Variants in KLHL40 observed in about 807,000 individuals in gnomAD.
KLHL40 encodes kelch-like protein 40.
A neutral mutation model predicts 49.7 loss-of-function variants in KLHL40; 44 were observed. The ratio of observed to expected loss-of-function variants is 0.89; its 90% CI spans 0.70 to 1.14. The LOEUF is 1.14. Among genes scored for constraint, KLHL40 ranks in the 50% most tolerant of loss-of-function variants. The probability of loss-of-function intolerance (pLI) is 0.00; values close to 1 mark genes in which losing one functional copy is unlikely to be tolerated. For synonymous variants in KLHL40, 409 were observed against 365.2 expected (o/e 1.12, Z -1.37); for missense variants, 892 against 850.3 (o/e 1.05, Z -0.61).
rs868010281 is a variant in KLHL40, at chr3:42,686,556, G to T, written c.938G>T (p.Gly313Val). 1.2e-6 allele frequency: 2 copies of T among 1,614,036 alleles called. No individual in the cohort carries two copies. The highest frequency in any genetic ancestry group is 2.7e-5 in the African/African-American group (2 of 74,934). Residue 313 changes from glycine to valine, a missense_variant, in exon 1 of 6, where the codon GGC (glycine) becomes GTC (valine). By Grantham distance (109) the Gly-to-Val change is moderately radical (BLOSUM62 -3). Coordinates refer to ENST00000287777, the MANE Select transcript of KLHL40 (RefSeq NM_152393.4). ...PGILNDTLRFGMFLQDLIFMI... is the reference protein window; with the variant it reads ...PGILNDTLRFVMFLQDLIFMI... Reference sequence around the variant, plus strand: ...ATCCTCAATGACACCCTGCGCTTCGGCATGTTCCTGCAGGATCTCATCTTC... The same window carrying T: ...ATCCTCAATGACACCCTGCGCTTCGTCATGTTCCTGCAGGATCTCATCTTC...
chr3:42,689,873 C>A (rs1697334153), intron 4 of KLHL40, among the ~76,000 whole-genome samples: 1 of 152,070 alleles, frequency 6.6e-6, no homozygotes, highest in African/African-American at 2.4e-5. Flanking sequence ...TTCTAACGCA[C>A]CCCCAGGAGA....
chr3:42,690,775 T>G (rs1697350447), intron 4 of KLHL40, 84 bp from the exon 5 acceptor site: 2 of 1,444,484 alleles, frequency 1.4e-6, no homozygotes, highest in South Asian at 1.3e-5. Flanking sequence ...AGGGTTGCAG[T>G]TGGAGCTGTG....
intron 1 of KLHL40, among the ~76,000 whole-genome samples, chr3:42,687,520 A>G (rs1190641496): frequency 6.6e-6 from 1 of 152,112 alleles, no homozygotes; most frequent in Non-Finnish European, 1.5e-5. Flanking sequence ...ACCAGCTACT[A>G]GCTCAGCAGT....
rs1697305436 is a variant in KLHL40 at position 42,688,335 on chromosome 3, G to T, written c.1313+33G>T. ...TGGCTGGGGTGGGGCTGAGCTCCGTGGGGGTGAGTGGGGCATGGAGGCCGC... is the reference window on the plus strand; with the variant it reads ...TGGCTGGGGTGGGGCTGAGCTCCGTTGGGGTGAGTGGGGCATGGAGGCCGC... On this transcript the variant is annotated intron_variant, in intron 2 of 5. Coordinates refer to ENST00000287777, the MANE Select transcript of KLHL40 (RefSeq NM_152393.4). This position sits in a 1 kb window ranked among gnomAD's most constrained non-coding sequence, Gnocchi z 4.2. 1 of 1,609,538 alleles carries T rather than the reference G, an allele frequency of 6.2e-7. No individual in the cohort carries two copies. Among genetic ancestry groups the T allele is most frequent in the African/African-American group, 1.3e-5 (1 of 74,742 alleles).
At position 42,688,190 on chromosome 3, in the gene KLHL40, C is replaced by T; in HGVS notation, c.1201C>T (p.Pro401Ser). Residue 401 changes from proline (P) to serine (S), a missense_variant, in exon 2 of 6, where the codon CCC becomes TCC. Coordinates refer to ENST00000287777, the MANE Select transcript of KLHL40 (RefSeq NM_152393.4). This position sits in a 1 kb window ranked among gnomAD's most constrained non-coding sequence, Gnocchi z 4.2. ...GCTGGGGATGCCACCGCTGCCCTCG[C>T]CCCGCTGCCTCTTTGGCCTGGGAGA... is the stretch of plus-strand genomic sequence containing the variant. Reference protein sequence around the residue: ...EWLGMPPLPSPRCLFGLGEAL... With the variant: ...EWLGMPPLPSSRCLFGLGEAL... 1 of 1,613,856 alleles carries T rather than the reference C, an allele frequency of 6.2e-7. No homozygotes were observed.
At position 42,688,955 on chromosome 3, in the gene KLHL40, T is replaced by C; in HGVS notation, c.1508T>C (p.Phe503Ser). ...LAPMQTARSL[F>S]GATVHDGRII... is the part of the protein sequence containing the mutation. ...CCCATGCAGACCGCCCGCTCACTCT[T>C]TGGGGCCACTGTCCATGATGGCCGC... is the stretch of plus-strand genomic sequence containing the variant. The change falls in exon 4 of 6, where the codon TTT (phenylalanine) becomes TCT (serine). Residue 503 changes from phenylalanine to serine, a missense_variant. Phe to Ser is a radical substitution (Grantham distance 155). Transcript: ENST00000287777. This position sits in a 1 kb window ranked among gnomAD's most constrained non-coding sequence, Gnocchi z 4.2. The C allele has an allele frequency of 1.9e-6, 3 of 1,614,118 alleles. No individual in the cohort carries two copies. The highest frequency in any genetic ancestry group is 2.5e-6 in the Non-Finnish European group (3 of 1,180,020).
chr3:42,689,186 T>G, intron 4 of KLHL40, 132 bp downstream of exon 4: 1 of 791,152 alleles, frequency 1.3e-6, no homozygotes, highest in South Asian at 1.8e-5. Flanking sequence ...ATAGGCTTTC[T>G]CTCCTGATCA....
Position 42,688,097 on chromosome 3 carries a change from C to G in KLHL40, c.1153-45C>G, listed in dbSNP as rs369757052. 3 of 1,611,652 alleles carry G rather than the reference C, an allele frequency of 1.9e-6. No homozygotes were observed. The highest frequency in any genetic ancestry group is 1.7e-6 in the Non-Finnish European group (2 of 1,178,986). On this transcript the variant is annotated intron_variant, in intron 1 of 5. Coordinates refer to ENST00000287777, the MANE Select transcript of KLHL40 (RefSeq NM_152393.4). The surrounding 1 kb of genome is among the most constrained non-coding windows in gnomAD (Gnocchi z 4.2). ...GGGACTGAGTGGGGCTGGGCTGAGG[C>G]TGGGGGAGTGGGGGGCGGTAGCTGA...
At chr3:42,690,307 C>T (rs1482841455) in intron 4 of KLHL40, among the ~76,000 whole-genome samples, 2 of 152,188 alleles carry the variant, frequency 1.3e-5, no homozygotes, top group Non-Finnish European at 2.9e-5. Context: ...AAAGTCACGT[C>T]AGCAGGGCTG....
rs911558073 is a variant in KLHL40 at position 42,685,646 on chromosome 3, G to A, written c.28G>A (p.Glu10Lys). MALGLEQAE[E>K]QRLYQQTLLQ... ...GGCGCTGGGCTTGGAGCAGGCGGAG[G>A]AGCAGCGGTTGTACCAGCAGACGCT... The change falls in exon 1 of 6, where the codon GAG (glutamate) becomes AAG (lysine). Residue 10 changes from glutamate to lysine, a missense_variant. Physicochemically the swap from Glu to Lys is moderately conservative, Grantham distance 56. Coordinates refer to ENST00000287777, the MANE Select transcript of KLHL40 (RefSeq NM_152393.4). 14 of 1,607,446 alleles carry A rather than the reference G, an allele frequency of 8.7e-6. No homozygotes were observed. Among genetic ancestry groups the A allele is most frequent in the African/African-American group, 8.0e-5 (6 of 74,752 alleles).
At chr3:42,690,742 G>C in intron 4 of KLHL40, 117 bp from the exon 5 acceptor site, 2 of 1,094,886 alleles carry the variant, frequency 1.8e-6, no homozygotes, top group East Asian at 2.5e-5. Context: ...TGGGGGCATG[G>C]GTGCCTGGGA....
Position 42,685,771 on chromosome 3 carries a change from G to T in KLHL40, c.153G>T (p.Leu51=). The part of the protein sequence containing the change: ...EREFPCHRLV[L]AACSPYFRAR... ...AGTTCCCGTGCCATCGCCTGGTGCT[G>T]GCCGCCTGCAGCCCCTACTTCCGGG... The change falls in exon 1 of 6, where the codon CTG becomes CTT. Residue 51 remains leucine, a synonymous_variant. Transcript: ENST00000287777. The T allele has an allele frequency of 6.2e-7, 1 of 1,612,314 alleles. No homozygotes were observed. The highest frequency in any genetic ancestry group is 8.5e-7 in the Non-Finnish European group (1 of 1,179,628).
chr3:42,686,501 G>C lies in KLHL40; in HGVS notation c.883G>C (p.Asp295His). Reference sequence around the variant, plus strand: ...CACAAGCAAAGCCAAAGCAGAGGAGGATGAGGAGGCCGAACGTATCCTTCC... The same window carrying C: ...CACAAGCAAAGCCAAAGCAGAGGAGCATGAGGAGGCCGAACGTATCCTTCC... ...KGTSKAKAEE[D>H]EEAERILPGI... Residue 295 changes from aspartate (D) to histidine (H), a missense_variant, in exon 1 of 6, where the codon GAT (aspartate) becomes CAT (histidine). Asp to His is a moderately conservative substitution (Grantham distance 81). Transcript: ENST00000287777. 1.2e-6 allele frequency: 2 copies of C among 1,614,168 alleles called. No individual in the cohort carries two copies. Among genetic ancestry groups the C allele is most frequent in the Non-Finnish European group, 1.7e-6 (2 of 1,180,030 alleles).
In KLHL40 at chr3:42,690,988, G is replaced by A. The variant is rs1420650513; in HGVS notation, c.1737G>A (p.Glu579=). 18 of 1,611,256 alleles carry A rather than the reference G, an allele frequency of 1.1e-5. No homozygotes were observed. Among genetic ancestry groups the A allele is most frequent in the Non-Finnish European group, 1.4e-5 (17 of 1,178,506 alleles). Residue 579 remains glutamate (E), a synonymous_variant, in exon 5 of 6, where the codon GAG becomes GAA. Coordinates refer to ENST00000287777, the MANE Select transcript of KLHL40 (RefSeq NM_152393.4). ...AGTCTGGAGAGCTGGTTCCCACAGA[G>A]CTCAATGACATCTGGAGGTGAGTCC... ...ETESGELVPT[E]LNDIWRYNEE...
At position 42,686,402 on chromosome 3, in the gene KLHL40, G is replaced by T; in HGVS notation, c.784G>T (p.Glu262Ter). ...GGTGCAGATGGTGAAGGATGCACAC[G>T]AGGGCCGCATCACCACGCTGCGGAA... is the stretch of plus-strand genomic sequence containing the variant. ...RKVQMVKDAH[E>*]GRITTLRKKK... The change falls in exon 1 of 6, where the codon GAG becomes TAG. Residue 262 changes from glutamate to a stop codon, truncating the protein, a stop_gained. Coordinates refer to ENST00000287777, the MANE Select transcript of KLHL40 (RefSeq NM_152393.4). LOFTEE classifies it high-confidence loss of function. 6.2e-7 allele frequency: 1 copy of T among 1,613,674 alleles called. No homozygotes were observed. The highest frequency in any genetic ancestry group is 8.5e-7 in the Non-Finnish European group (1 of 1,179,998).
At chr3:42,687,826 C>T (rs1437186126) in intron 1 of KLHL40, among the ~76,000 whole-genome samples, 1 of 152,056 alleles carries the variant, frequency 6.6e-6, no homozygotes, top group Non-Finnish European at 1.5e-5. Context: ...AGGCAGGCCT[C>T]AGTTGGGAGT....
chr3:42,685,580 G>A lies in KLHL40; in HGVS notation c.-39G>A. On this transcript the variant is annotated 5_prime_UTR_variant, in exon 1 of 6. Transcript: ENST00000287777. Reference sequence around the variant, plus strand: ...CAGGAAAGCAGGGGTACAGAGAGGAGCCCCCTTGGCACCGCCACCGCACCC... The same window carrying A: ...CAGGAAAGCAGGGGTACAGAGAGGAACCCCCTTGGCACCGCCACCGCACCC... The A allele has an allele frequency of 2.0e-6, 3 of 1,523,354 alleles. No homozygotes were observed. Among genetic ancestry groups the A allele is most frequent in the Non-Finnish European group, 1.8e-6 (2 of 1,131,070 alleles). The allele number at this position is 1,523,354 out of a possible 1,614,324, so 94.4% of individuals were successfully genotyped here. A position where few individuals can be genotyped will look rare whatever the true frequency, so the allele number is the denominator to read the frequency against.
At chr3:42,691,143 G>A in intron 5 of KLHL40, 138 bp downstream of exon 5, 1 of 855,790 alleles carries the variant, frequency 1.2e-6, no homozygotes, top group Non-Finnish European at 1.7e-6. Context: ...CCTGTAGGGA[G>A]GAATAGCCAA....
rs373834250 is a variant in KLHL40 at position 42,688,333 on chromosome 3, G to A, written c.1313+31G>A. 16 of 1,609,102 alleles carry A rather than the reference G, an allele frequency of 9.9e-6. No individual in the cohort carries two copies. Among genetic ancestry groups the A allele is most frequent in the East Asian group, 4.5e-5 (2 of 44,812 alleles). On this transcript the variant is annotated intron_variant, in intron 2 of 5. Transcript: ENST00000287777. The surrounding 1 kb of genome is among the most constrained non-coding windows in gnomAD (Gnocchi z 4.2). ...CATGGCTGGGGTGGGGCTGAGCTCC[G>A]TGGGGGTGAGTGGGGCATGGAGGCC...
Sources: allele counts gnomAD v4.1 joint callset (sites outside exome capture counted in the v4.1 genomes callset), GRCh38; gene constraint gnomAD v4.1.1; non-coding constraint Gnocchi (gnomAD v3.1); transcripts MANE v1.5; gene names NCBI Gene and HGNC (gene_info 2026-07-23, HGNC 2026-07-21).